TBXAS1: variants seen among roughly 807,000 people sequenced by gnomAD.
TBXAS1 encodes the protein thromboxane-A synthase.
A neutral mutation model predicts 60.7 loss-of-function variants in TBXAS1; 48 were observed. The observed-to-expected ratio is 0.79, with a 90% CI of 0.63 to 1.01. The LOEUF is 1.01. TBXAS1 is among the 50% of genes least tolerant of loss of function. The probability of loss-of-function intolerance (pLI) is 0.00; values close to 1 mark genes in which losing one functional copy is unlikely to be tolerated. For synonymous variants in TBXAS1, 287 were observed against 269.7 expected (o/e 1.06, Z -0.63); for missense variants, 685 against 686.3 (o/e 1.00, Z 0.02).
chr7:139,779,505 G>A (rs1219396052), intron 1 of TBXAS1, among the ~76,000 whole-genome samples: 7 of 152,226 alleles, frequency 4.6e-5, no homozygotes, highest in Non-Finnish European at 1.0e-4. Context: ...AAGAAATGGA[G>A]TCCAGAGAAG....
chr7:139,921,066 A>T (rs1194919589), intron 4 of TBXAS1, among the ~76,000 whole-genome samples: 1 of 152,204 alleles, frequency 6.6e-6, no homozygotes, highest in Non-Finnish European at 1.5e-5. Context: ...TGTCGAAATT[A>T]AATGTTTATT....
chr7:139,858,616 G>T (rs547946703), intron 1 of TBXAS1, among the ~76,000 whole-genome samples: 1 of 152,270 alleles, frequency 6.6e-6, no homozygotes, highest in South Asian at 2.1e-4. Context: ...GCAGCATCCT[G>T]GTACCCGGAA....
At chr7:139,998,930 A>G (rs1813479444) in intron 9 of TBXAS1, among the ~76,000 whole-genome samples, 1 of 152,236 alleles carries the variant, frequency 6.6e-6, no homozygotes, top group African/African-American at 2.4e-5. Context: ...CTTCTAAAGC[A>G]GGTATAAATA....
chr7:139,955,334 C>T (rs1370968454), intron 6 of TBXAS1, 125 bp from the exon 7 acceptor site: 45 of 1,276,176 alleles, frequency 3.5e-5, no homozygotes, highest in Non-Finnish European at 5.0e-5. Flanking sequence ...AGCTCCTCTT[C>T]CAGACACATC....
At position 139,916,581 on chromosome 7, in the gene TBXAS1, G is replaced by A. The variant is rs1805992767; in HGVS notation, c.333+5260G>A. 6.6e-6 allele frequency among the ~76,000 whole-genome samples: 1 copy of A among 152,212 alleles called. No homozygotes were observed. The highest frequency in any genetic ancestry group is 1.5e-5 in the Non-Finnish European group (1 of 68,026). ...CCCCAGGTTCAGCCTCTCAGGGGCT[G>A]CTTCACTCGCTCTCCACACAGCTGT... On this transcript the variant is annotated intron_variant, in intron 4 of 12. Coordinates refer to ENST00000448866, the MANE Select transcript of TBXAS1 (RefSeq NM_001061.7). The surrounding 1 kb of genome is among the most constrained non-coding windows in gnomAD (Gnocchi z 4.2).
intron 9 of TBXAS1, among the ~76,000 whole-genome samples, chr7:139,981,928 A>C (rs1031966450): frequency 1.4e-4 from 22 of 152,270 alleles, no homozygotes; most frequent in African/African-American, 5.1e-4. Context: ...GATGACAGAT[A>C]GTGAATAAAT....
chr7:140,007,049 G>C (rs777215551), intron 9 of TBXAS1, 42 bp from the exon 10 acceptor site: 1 of 1,544,826 alleles, frequency 6.5e-7, no homozygotes. Context: ...GTGAGATTTG[G>C]GCTAACACGA....
intron 3 of TBXAS1, among the ~76,000 whole-genome samples, chr7:139,877,704 T>G (rs1429374348): frequency 1.4e-5 from 2 of 146,294 alleles, no homozygotes; most frequent in East Asian, 2.0e-4. Context: ...ATTACAAGTA[T>G]GAGCCACTGC....
In TBXAS1 at chr7:139,985,829, G is replaced by A. The variant is rs79477230; in HGVS notation, c.1135-21262G>A. Reference sequence around the variant, plus strand: ...CCTGAGGAATGAATGGGTGGACGGCGCTTACAGACTCGGGTGCCACTTCCT... The same window carrying A: ...CCTGAGGAATGAATGGGTGGACGGCACTTACAGACTCGGGTGCCACTTCCT... On this transcript the variant is annotated intron_variant, in intron 9 of 12. Coordinates refer to ENST00000448866, the MANE Select transcript of TBXAS1 (RefSeq NM_001061.7). 7.2e-3 allele frequency among the ~76,000 whole-genome samples: 1,092 copies of A among 152,268 alleles called. 17 individuals are homozygous for A. Among genetic ancestry groups the A allele is most frequent in the African/African-American group, 0.025 (1,025 of 41,540 alleles).
chr7:139,794,044 G>T (rs1797474692), intron 4 of TBXAS1, among the ~76,000 whole-genome samples: 1 of 151,810 alleles, frequency 6.6e-6, no homozygotes, highest in Admixed American at 6.6e-5. Flanking sequence ...GTGTGTGTAT[G>T]GTGCACGTGC....
Position 139,896,718 on chromosome 7 carries a change from G to A in TBXAS1, c.237-14507G>A, listed in dbSNP as rs1330128846. 6.6e-6 allele frequency among the ~76,000 whole-genome samples: 1 copy of A among 152,180 alleles called. No homozygotes were observed. The highest frequency in any genetic ancestry group is 1.5e-5 in the Non-Finnish European group (1 of 68,022). ...CTTCTTTTGGCCTGGGGAGCGCTAC[G>A]AAGACATTACTGAGTCACTAAGGGC... On this transcript the variant is annotated intron_variant, in intron 3 of 12. Transcript: ENST00000448866. The surrounding 1 kb of genome is among the most constrained non-coding windows in gnomAD (Gnocchi z 4.0).
At chr7:139,894,584 G>C (rs937936192) in intron 3 of TBXAS1, among the ~76,000 whole-genome samples, 1 of 152,164 alleles carries the variant, frequency 6.6e-6, no homozygotes, top group Admixed American at 6.5e-5. Flanking sequence ...CAGTGACCCA[G>C]GTATCCAAGG....
chr7:139,986,795 GTGTGTATATATATATA>G (rs1271674281), intron 9 of TBXAS1, among the ~76,000 whole-genome samples: 782 of 41,534 alleles, frequency 0.019, 4 homozygotes, highest in African/African-American at 0.06. Flanking sequence ...GTGTGTGTGT[GTGTGTATATATATATA>G]TATATACACC....
intron 4 of TBXAS1, among the ~76,000 whole-genome samples, chr7:139,801,167 T>A (rs73475988): frequency 0.014 from 2,103 of 152,318 alleles, 43 homozygotes; most frequent in African/African-American, 0.048. Flanking sequence ...CATTTATGTG[T>A]TTTTAAATAA....
At chr7:139,874,540 G>A (rs533483725) in intron 2 of TBXAS1, among the ~76,000 whole-genome samples, 3 of 152,206 alleles carry the variant, frequency 2.0e-5, no homozygotes, top group Admixed American at 6.5e-5. Context: ...GCAAGCTTAC[G>A]CTGCAGAATT....
intron 3 of TBXAS1, among the ~76,000 whole-genome samples, chr7:139,876,137 G>A (rs551632648): frequency 6.6e-6 from 1 of 152,306 alleles, no homozygotes; most frequent in African/African-American, 2.4e-5. Context: ...GTGAAAGGAA[G>A]TGCTATTAAT....
Position 139,955,468 on chromosome 7 carries a change from CAATT to C in TBXAS1, c.551_554del (p.Asn184ThrfsTer26). On this transcript the variant is annotated frameshift_variant, in exon 7 of 13. Coordinates refer to ENST00000448866, the MANE Select transcript of TBXAS1 (RefSeq NM_001061.7). LOFTEE classifies it high-confidence loss of function. The stretch of plus-strand genomic sequence containing the variant: ...CTCCCATCTCCCGTAGGTGCTACTG[CAATT>C]ACACCACAGATGTGGTTGCCAGCGT... 1.9e-6 allele frequency: 3 copies of C among 1,614,208 alleles called. No homozygotes were observed. The highest frequency in any genetic ancestry group is 2.5e-6 in the Non-Finnish European group (3 of 1,180,036).
At chr7:139,881,655 T>C (rs1481271799) in intron 3 of TBXAS1, among the ~76,000 whole-genome samples, 1 of 152,158 alleles carries the variant, frequency 6.6e-6, no homozygotes, top group Admixed American at 6.5e-5. Context: ...CTAGCTGCAG[T>C]AGGGTGTTCT....
At chr7:139,867,415 TCA>T (rs1467421780) in intron 1 of TBXAS1, among the ~76,000 whole-genome samples, 2 of 152,184 alleles carry the variant, frequency 1.3e-5, no homozygotes, top group Non-Finnish European at 2.9e-5. Flanking sequence ...GTTCCAAACC[TCA>T]GTCAGTTTGA....
Sources: gnomAD v4.1 joint callset for allele counts (sites outside exome capture counted in the v4.1 genomes callset) on GRCh38, gnomAD v4.1.1 for gene constraint, Gnocchi (gnomAD v3.1) non-coding constraint, MANE v1.5 for transcripts, NCBI Gene and HGNC (gene_info 2026-07-23, HGNC 2026-07-21) for gene names.